The following SRGAP2 variants were observed in gnomAD, a reference collection of about 807,000 sequenced individuals.
The protein encoded by SRGAP2 is SLIT-ROBO Rho GTPase-activating protein 2.
SRGAP2 carries 15 observed loss-of-function variants against 57.2 expected under a neutral mutation model. The observed-to-expected ratio is 0.26, with a 90% CI of 0.18 to 0.40. The LOEUF (loss-of-function observed/expected upper bound fraction) is 0.40. Among genes scored for constraint, SRGAP2 ranks in the 10% least tolerant of loss-of-function variants. The pLI, the probability that SRGAP2 is intolerant of heterozygous loss-of-function variation, is 1.00. For missense variants in SRGAP2, 520 were observed against 669.6 expected (o/e 0.78, Z 2.47); for synonymous variants, 249 against 248.0 (o/e 1.00, Z -0.04).
At chr1:206,380,361 CA>C (rs1488458231) in intron 4 of SRGAP2, among the ~76,000 whole-genome samples, 1 of 150,214 alleles carries the variant, frequency 6.7e-6, no homozygotes, top group Non-Finnish European at 1.5e-5. Flanking sequence ...GCACTCTGAC[CA>C]AATGGTTGTG....
At chr1:206,213,821 AG>A (rs782725927) in intron 2 of SRGAP2, among the ~76,000 whole-genome samples, 7 of 151,624 alleles carry the variant, frequency 4.6e-5, no homozygotes, top group Non-Finnish European at 7.4e-5. Flanking sequence ...CAGGAGGCTG[AG>A]GGAGGAGAAT....
At chr1:206,322,072 G>C in intron 3 of SRGAP2, among the ~76,000 whole-genome samples, 1 of 148,224 alleles carries the variant, frequency 6.7e-6, no homozygotes. Flanking sequence ...TCTATAAATA[G>C]CTATTTCTTT....
chr1:206,458,982 T>C (rs781866735), intron 22 of SRGAP2, 35 bp downstream of exon 22: 5 of 702,632 alleles, frequency 7.1e-6, no homozygotes, highest in Non-Finnish European at 1.3e-5. Flanking sequence ...AGCATGAGTC[T>C]ACATTCATCA....
chr1:206,435,173 T>G (rs1553369579), intron 14 of SRGAP2, among the ~76,000 whole-genome samples: 2 of 152,232 alleles, frequency 1.3e-5, no homozygotes, highest in African/African-American at 4.8e-5. Flanking sequence ...TTTCCTCTGC[T>G]TACTTTTTAA....
At chr1:206,292,137 G>C (rs1398467272) in intron 2 of SRGAP2, among the ~76,000 whole-genome samples, 3 of 152,164 alleles carry the variant, frequency 2.0e-5, no homozygotes, top group Non-Finnish European at 4.4e-5. Flanking sequence ...GCTTGGTCTT[G>C]TGGGACATCT....
intron 16 of SRGAP2, 51 bp downstream of exon 16, chr1:206,438,149 C>T (rs1335835673): frequency 3.0e-5 from 23 of 768,620 alleles, no homozygotes; most frequent in Non-Finnish European, 3.4e-5. Flanking sequence ...GCACCGGTAG[C>T]AAGAGAGAAA....
At chr1:206,229,772 A>T (rs1185070752) in intron 2 of SRGAP2, among the ~76,000 whole-genome samples, 1 of 151,574 alleles carries the variant, frequency 6.6e-6, no homozygotes, top group African/African-American at 2.4e-5. Context: ...AAGTGCTTCC[A>T]GTTTTGTTAC....
rs1658755651 is a variant in SRGAP2, at chr1:206,407,197, AT to A, written c.1356+624del. On this transcript the variant is annotated intron_variant, in intron 10 of 22. Transcript: ENST00000573034. ...TTTTTTTTTTTAAGTATTGTTAACA[AT>A]CCTTTGGAAGTCACTACTGGTCTTT... 3.7e-5 allele frequency: 2 copies of A among 53,678 alleles called. 1 individual carries two copies. Among genetic ancestry groups the A allele is most frequent in the Admixed American group, 3.9e-4 (2 of 5,180 alleles). The allele number at this position is 53,678 out of a possible 1,614,324, so 3.3% of individuals were successfully genotyped here. A position where few individuals can be genotyped will look rare whatever the true frequency, so the allele number is the denominator to read the frequency against.
intron 18 of SRGAP2, among the ~76,000 whole-genome samples, chr1:206,447,195 C>T (rs1553374195): frequency 2.7e-5 from 4 of 148,420 alleles, no homozygotes; most frequent in South Asian, 2.2e-4. Context: ...TCCTCCCCCT[C>T]CCTTCTTCCC....
chr1:206,433,254 G>T (rs1553368886), intron 14 of SRGAP2, among the ~76,000 whole-genome samples: 7 of 152,162 alleles, frequency 4.6e-5, no homozygotes, highest in Non-Finnish European at 1.0e-4. Flanking sequence ...TGAAAAGAAT[G>T]GGGCAATGGG....
chr1:206,337,123 T>C (rs1239222967), intron 3 of SRGAP2, among the ~76,000 whole-genome samples: 2 of 149,284 alleles, frequency 1.3e-5, no homozygotes, highest in Admixed American at 6.6e-5. Flanking sequence ...TATAAGTTGC[T>C]GAAGCATCTA....
At chr1:206,451,773 A>G (rs541852933) in intron 19 of SRGAP2, among the ~76,000 whole-genome samples, 1 of 152,272 alleles carries the variant, frequency 6.6e-6, no homozygotes, top group Non-Finnish European at 1.5e-5. Context: ...CCGCTATTTT[A>G]CAGTTGAGAA....
intron 18 of SRGAP2, among the ~76,000 whole-genome samples, chr1:206,449,475 A>G (rs368518227): frequency 3.4e-4 from 50 of 148,126 alleles, no homozygotes; most frequent in African/African-American, 1.2e-3. Context: ...TTTTTTGTAG[A>G]GACAGGGTCT....
rs1319713333 is a variant in SRGAP2 at position 206,205,473 on chromosome 1, T to TG, written c.-497dup. ...CGACTTCCGATCCAGTCTGCGCTGT[T>TG]GCGGCTCCCGTTTGGGATTTGATTT... On this transcript the variant is annotated 5_prime_UTR_variant, in exon 2 of 23. Transcript: ENST00000573034. 5 of 112,680 alleles carry TG rather than the reference T, an allele frequency of 4.4e-5. No homozygotes were observed. The highest frequency in any genetic ancestry group is 1.9e-4 in the African/African-American group (5 of 26,630). The allele number at this position is 112,680 out of a possible 1,614,324, so 7.0% of individuals were successfully genotyped here.
chr1:206,420,992 G>C (rs189068697), intron 12 of SRGAP2, among the ~76,000 whole-genome samples: 1 of 152,120 alleles, frequency 6.6e-6, no homozygotes, highest in Non-Finnish European at 1.5e-5. Context: ...ATTAAAAGCA[G>C]GGACGTCTGT....
chr1:206,404,731 C>A (rs113850522), intron 8 of SRGAP2, among the ~76,000 whole-genome samples: 18,477 of 151,664 alleles, frequency 0.12, 868 homozygotes, highest in African/African-American at 0.16. Context: ...GCATAGGCAA[C>A]GAACTTGTTC....
chr1:206,416,373 C>A (rs1659702112), intron 11 of SRGAP2, among the ~76,000 whole-genome samples: 1 of 152,170 alleles, frequency 6.6e-6, no homozygotes, highest in African/African-American at 2.4e-5. Flanking sequence ...ATGAGATACG[C>A]AGCTGCTCTG....
At chr1:206,253,560 CTT>C (rs1385365809) in intron 2 of SRGAP2, among the ~76,000 whole-genome samples, 9 of 145,674 alleles carry the variant, frequency 6.2e-5, no homozygotes, top group Non-Finnish European at 9.0e-5. Context: ...CTTTCTTTCT[CTT>C]TTCTTTCTTT....
intron 16 of SRGAP2, among the ~76,000 whole-genome samples, chr1:206,439,061 G>A (rs1553371017): frequency 1.3e-5 from 2 of 152,092 alleles, no homozygotes; most frequent in African/African-American, 4.8e-5. Flanking sequence ...TCCGGGACTG[G>A]GCCTAGGTGA....
Sources: allele counts gnomAD v4.1 joint callset (sites outside exome capture counted in the v4.1 genomes callset), GRCh38; gene constraint gnomAD v4.1.1; transcripts MANE v1.5; gene names NCBI Gene and HGNC (gene_info 2026-07-23, HGNC 2026-07-21).